Variants in NR3C2 observed in about 807,000 individuals in gnomAD.
NR3C2 encodes nuclear receptor subfamily 3 group C member 2, also known as mineralocorticoid receptor.
In NR3C2, 15 loss-of-function variants were observed where a neutral mutation model predicts 86.4. The ratio of observed to expected loss-of-function variants is 0.17; its 90% CI spans 0.12 to 0.27. The LOEUF (loss-of-function observed/expected upper bound fraction) is 0.27, where lower values mean the gene tolerates loss of function less well. NR3C2 is among the 10% of genes least tolerant of loss of function. NR3C2 has a pLI of 1.00. For synonymous variants in NR3C2, 458 were observed against 450.5 expected, an observed-to-expected ratio of 1.02 and a Z score of -0.21; for missense variants, 960 against 1,195.6, an observed-to-expected ratio of 0.80 and a Z score of 2.91.
At position 148,413,864 on chromosome 4, in the gene NR3C2, A is replaced by T. The variant is rs190690863; in HGVS notation, c.1757+21240T>A. 8.2e-4 allele frequency among the ~76,000 whole-genome samples: 125 copies of T among 152,206 alleles called. 1 individual carries two copies. Among genetic ancestry groups the T allele is most frequent in the African/African-American group, 2.8e-3 (117 of 41,474 alleles). ...CTGATGAGAACGTAAACTAGTACAA[A>T]CATACTGGCTACTGGCAGGCATTAT... On this transcript the variant is annotated intron_variant, in intron 2 of 8. Coordinates refer to ENST00000358102, the MANE Select transcript of NR3C2 (RefSeq NM_000901.5).
chr4:148,154,821 G>A lies in NR3C2; in HGVS notation c.2095C>T (p.Pro699Ser). The A allele has an allele frequency of 6.3e-7, 1 of 1,589,818 alleles. No individual in the cohort carries two copies. Among genetic ancestry groups the A allele is most frequent in the Non-Finnish European group, 8.6e-7 (1 of 1,168,258 alleles). The part of the protein sequence containing the change: ...PQQQQPPPPP[P>S]PPQSPEEGTT... ...CCTTCCTCTGGGCTTTGCGGGGGTG[G>A]GGGTGGGGGTGGGGGCTGCTGCTGC... The change falls in exon 5 of 9, where the codon CCA becomes TCA. Residue 699 changes from proline to serine, a missense_variant. Pro to Ser is a moderately conservative substitution (Grantham distance 74). Coordinates refer to ENST00000358102, the MANE Select transcript of NR3C2 (RefSeq NM_000901.5).
chr4:148,423,187 C>T (rs1749365468), intron 2 of NR3C2, among the ~76,000 whole-genome samples: 1 of 151,568 alleles, frequency 6.6e-6, no homozygotes, highest in Admixed American at 6.6e-5. Flanking sequence ...CTTCGCTTAC[C>T]AGATTAACCT....
In NR3C2 at chr4:148,201,295, G is replaced by A. The variant is rs1258495592; in HGVS notation, c.1898-6433C>T. On this transcript the variant is annotated intron_variant, in intron 3 of 8. Transcript: ENST00000358102. ...CAGTGTGGCACAGGGAGGGGAGATG[G>A]GCAGGCCAGAGCTCAAAGATGTGCT... Among the ~76,000 whole-genome samples, 5 of 152,268 alleles carry A rather than the reference G, an allele frequency of 3.3e-5. No individual in the cohort carries two copies. The South Asian group carries it at 6.2e-4, about 19-fold the overall frequency.
intron 4 of NR3C2, 23 bp from the exon 5 acceptor site, chr4:148,154,924 A>G: frequency 6.5e-7 from 1 of 1,529,356 alleles, no homozygotes; most frequent in Non-Finnish European, 8.8e-7. Flanking sequence ...ATAAATGATA[A>G]GGCCAAATTA....
At chr4:148,420,374 G>T (rs1249058507) in intron 2 of NR3C2, among the ~76,000 whole-genome samples, 1 of 152,102 alleles carries the variant, frequency 6.6e-6, no homozygotes, top group South Asian at 2.1e-4. Context: ...TATGAGACGG[G>T]TCCTTGTGCT....
intron 3 of NR3C2, among the ~76,000 whole-genome samples, chr4:148,247,053 A>G (rs532349657): frequency 6.6e-6 from 1 of 152,350 alleles, no homozygotes; most frequent in East Asian, 1.9e-4. Context: ...AAAAAAGGAT[A>G]AAGAGAAAAG....
rs1750093616 is a variant in NR3C2, at chr4:148,436,688, T to C, written c.173A>G (p.Asn58Ser). 1 of 1,614,070 alleles carries C rather than the reference T, an allele frequency of 6.2e-7. No individual in the cohort carries two copies. Among genetic ancestry groups the C allele is most frequent in the Non-Finnish European group, 8.5e-7 (1 of 1,180,038 alleles). ...TTCTTTGCTGCTTCCTTGAGTACTG[T>C]TGTTTGGAATAGCACCGGAAACACA... ...VSCVSGAIPN[N>S]STQGSSKEKQ... The change falls in exon 2 of 9, where the codon AAC (asparagine) becomes AGC (serine). Residue 58 changes from asparagine to serine, a missense_variant. Physicochemically the swap from Asn to Ser is conservative, Grantham distance 46. Transcript: ENST00000358102.
intron 4 of NR3C2, among the ~76,000 whole-genome samples, chr4:148,155,896 A>G (rs1578950348): frequency 6.6e-6 from 1 of 152,326 alleles, no homozygotes; most frequent in Non-Finnish European, 1.5e-5. Context: ...ACAGCATGGT[A>G]CTGGTACCAA....
At chr4:148,381,231 A>C (rs996452823) in intron 2 of NR3C2, among the ~76,000 whole-genome samples, 1 of 128,078 alleles carries the variant, frequency 7.8e-6, no homozygotes, top group African/African-American at 3.2e-5. Flanking sequence ...CTGTCTCAAA[A>C]GAAAAAAAAA....
chr4:148,230,422 C>T (rs147755035), intron 3 of NR3C2, among the ~76,000 whole-genome samples: 2 of 152,182 alleles, frequency 1.3e-5, no homozygotes, highest in Non-Finnish European at 2.9e-5. Context: ...GGCTTGAACT[C>T]CTGGCCTCAA....
intron 4 of NR3C2, among the ~76,000 whole-genome samples, chr4:148,185,783 C>T (rs1364722983): frequency 6.6e-6 from 1 of 152,072 alleles, no homozygotes; most frequent in Non-Finnish European, 1.5e-5. Flanking sequence ...CTAAATACTA[C>T]TTGGGAGATC....
intron 8 of NR3C2, among the ~76,000 whole-genome samples, chr4:148,082,365 C>T (rs977206007): frequency 2.6e-5 from 4 of 152,150 alleles, no homozygotes; most frequent in African/African-American, 7.2e-5. Context: ...CTGAGGTACC[C>T]GGCTTATCTC....
chr4:148,086,468 C>T (rs1286676408), intron 8 of NR3C2, among the ~76,000 whole-genome samples: 1 of 152,210 alleles, frequency 6.6e-6, no homozygotes, highest in Admixed American at 6.5e-5. Context: ...GGCGCGGTGG[C>T]TCACGCCTGT....
chr4:148,265,509 C>T (rs1454943011), intron 2 of NR3C2, among the ~76,000 whole-genome samples: 3 of 152,168 alleles, frequency 2.0e-5, no homozygotes, highest in Non-Finnish European at 4.4e-5. Flanking sequence ...CCCATCCTTA[C>T]AGTAATTTCA....
chr4:148,365,138 C>T (rs553470947), intron 2 of NR3C2, among the ~76,000 whole-genome samples: 1 of 152,162 alleles, frequency 6.6e-6, no homozygotes, highest in East Asian at 1.9e-4. Context: ...CATGTAAGTA[C>T]TTCACAATAA....
chr4:148,114,020 CTCTCAG>C, intron 8 of NR3C2, 78 bp downstream of exon 8: 2 of 1,524,794 alleles, frequency 1.3e-6, no homozygotes, highest in Non-Finnish European at 1.8e-6. Flanking sequence ...ACCCTGAAAA[CTCTCAG>C]TCTCTGTTTC....
chr4:148,145,836 T>TA (rs1011396270), intron 6 of NR3C2, among the ~76,000 whole-genome samples: 7 of 151,656 alleles, frequency 4.6e-5, no homozygotes, highest in Non-Finnish European at 1.0e-4. Flanking sequence ...ACCCAGAAAT[T>TA]AAAAAAACAA....
intron 5 of NR3C2, among the ~76,000 whole-genome samples, 161 bp downstream of exon 5, chr4:148,154,390 T>C (rs949080601): frequency 1.3e-5 from 2 of 152,214 alleles, no homozygotes; most frequent in Non-Finnish European, 2.9e-5. Context: ...ACATTAACCA[T>C]ATTTTTCCTA....
intron 3 of NR3C2, among the ~76,000 whole-genome samples, chr4:148,209,731 A>G (rs1471546024): frequency 1.3e-5 from 2 of 152,202 alleles, no homozygotes; most frequent in Admixed American, 6.5e-5. Flanking sequence ...GGAGAAGCCA[A>G]TTAGGGCTAG....
Sources: allele counts gnomAD v4.1 joint callset (sites outside exome capture counted in the v4.1 genomes callset), GRCh38; gene constraint gnomAD v4.1.1; transcripts MANE v1.5; gene names NCBI Gene and HGNC (gene_info 2026-07-23, HGNC 2026-07-21).